Variants in TSR1 observed in about 807,000 individuals in gnomAD.
The protein encoded by TSR1 is pre-rRNA-processing protein TSR1 homolog.
Under a neutral mutation model 90.9 loss-of-function variants are expected in TSR1, and 81 were observed. The observed-to-expected ratio is 0.89, with a 90% CI of 0.74 to 1.07. The LOEUF (loss-of-function observed/expected upper bound fraction) is 1.07. Ranked by LOEUF, TSR1 falls within the 50% of genes least tolerant of loss-of-function variation. The pLI is 0.00. For synonymous variants in TSR1, 362 were observed against 348.8 expected (o/e 1.04, Z -0.42); for missense variants, 989 against 987.3 (o/e 1.00, Z -0.02).
rs759898728 is a variant in TSR1, at chr17:2,332,152, T to C, written c.1496+17A>G. 3.7e-6 allele frequency: 6 copies of C among 1,604,676 alleles called. No individual in the cohort carries two copies. The highest frequency in any genetic ancestry group is 2.7e-5 in the African/African-American group (2 of 74,138). ...TATTGACTGAATTTAGATTTGTTGA[T>C]AGACTTGTTGACTAACCGAATTCGA... On this transcript the variant is annotated intron_variant, in intron 8 of 14. Transcript: ENST00000301364.
rs2064012999 is a variant in TSR1 at position 2,332,438 on chromosome 17, A to G, written c.1306-79T>C. 3.3e-6 allele frequency: 4 copies of G among 1,216,104 alleles called. No individual in the cohort carries two copies. The East Asian group carries it at 9.5e-5, about 29-fold the overall frequency. The allele number at this position is 1,216,104 out of a possible 1,614,324, so 75.3% of individuals were successfully genotyped here. A position where few individuals can be genotyped will look rare whatever the true frequency, so the allele number is the denominator to read the frequency against. ...CAAAGGCCAATAAGCTAAGAGTAAAATAATTGTACTAGATCCCTATTCCCA... is the reference window on the plus strand; with the variant it reads ...CAAAGGCCAATAAGCTAAGAGTAAAGTAATTGTACTAGATCCCTATTCCCA... On this transcript the variant is annotated intron_variant, in intron 7 of 14. Coordinates refer to ENST00000301364, the MANE Select transcript of TSR1 (RefSeq NM_018128.5).
At chr17:2,333,299 C>T in intron 6 of TSR1, 175 bp from the exon 7 acceptor site, 1 of 875,424 alleles carries the variant, frequency 1.1e-6, no homozygotes, top group Non-Finnish European at 1.9e-6. Flanking sequence ...GCAATACTTA[C>T]ACAGCTAAAT....
intron 12 of TSR1, 90 bp from the exon 13 acceptor site, chr17:2,324,919 C>G: frequency 6.9e-7 from 1 of 1,458,430 alleles, no homozygotes. Context: ...CATGCAAGAG[C>G]CTGGTTTGTC....
chr17:2,326,805 T>TTAAGGG (rs1314298810), intron 11 of TSR1, among the ~76,000 whole-genome samples: 1 of 152,156 alleles, frequency 6.6e-6, no homozygotes, highest in Non-Finnish European at 1.5e-5. Context: ...ACCTGGCTAA[T>TTAAGGG]TAAAAAGAAA....
intron 11 of TSR1, among the ~76,000 whole-genome samples, chr17:2,325,839 C>T (rs1482854029): frequency 6.6e-6 from 1 of 152,158 alleles, no homozygotes; most frequent in Non-Finnish European, 1.5e-5. Flanking sequence ...TCTCGAACTC[C>T]TCACCTTGTG....
intron 4 of TSR1, 79 bp downstream of exon 4, chr17:2,335,181 A>G: frequency 1.4e-6 from 2 of 1,440,006 alleles, no homozygotes; most frequent in Non-Finnish European, 9.5e-7. Context: ...AATATGATCC[A>G]TCAGTTGTAT....
chr17:2,336,272 G>A (rs1361224627), intron 1 of TSR1, 59 bp downstream of exon 1: 4 of 1,608,934 alleles, frequency 2.5e-6, no homozygotes, highest in Non-Finnish European at 2.6e-6. Flanking sequence ...GTCTGGGCAT[G>A]AGGAAAAAGA....
Position 2,327,637 on chromosome 17 carries a change from A to C in TSR1, c.1903+1706T>G, listed in dbSNP as rs146430893. Among the ~76,000 whole-genome samples, 1,213 of 152,330 alleles carry C rather than the reference A, an allele frequency of 8.0e-3. 15 individuals are homozygous for C. The highest frequency in any genetic ancestry group is 0.027 in the African/African-American group (1,123 of 41,562). ...TAAGTGCTCACCCGTAGAAGCTCAAATAAGTATCAGTACATCACATACACT... is the reference window on the plus strand; with the variant it reads ...TAAGTGCTCACCCGTAGAAGCTCAACTAAGTATCAGTACATCACATACACT... On this transcript the variant is annotated intron_variant, in intron 11 of 14. Coordinates refer to ENST00000301364, the MANE Select transcript of TSR1 (RefSeq NM_018128.5).
At chr17:2,335,869 G>T in intron 2 of TSR1, 139 bp from the exon 3 acceptor site, 1 of 1,262,592 alleles carries the variant, frequency 7.9e-7, no homozygotes, top group Non-Finnish European at 1.1e-6. Context: ...CCAGCGGGGT[G>T]GCAGGAATTC....
At chr17:2,329,523 A>C in intron 10 of TSR1, 48 bp from the exon 11 acceptor site, 1 of 1,605,402 alleles carries the variant, frequency 6.2e-7, no homozygotes, top group Non-Finnish European at 8.5e-7. Flanking sequence ...CTAGGAATAC[A>C]ATTGCCTAAA....
rs761098424 is a variant in TSR1, at chr17:2,324,169, C to T, written c.*27G>A. The T allele has an allele frequency of 6.3e-5, 96 of 1,512,034 alleles. No individual in the cohort carries two copies. The highest frequency in any genetic ancestry group is 7.9e-5 in the Non-Finnish European group (90 of 1,135,116). The allele number at this position is 1,512,034 out of a possible 1,614,324, so 93.7% of individuals were successfully genotyped here. ...CCATCCCTGGAGTACTGACTGGCAC[C>T]GGTAAGACAGAATCTCTTTGAATCC... On this transcript the variant is annotated 3_prime_UTR_variant, in exon 15 of 15. Coordinates refer to ENST00000301364, the MANE Select transcript of TSR1 (RefSeq NM_018128.5).
At chr17:2,330,417 T>C (rs1409946288) in intron 10 of TSR1, 98 bp downstream of exon 10, 2 of 1,071,244 alleles carry the variant, frequency 1.9e-6, no homozygotes, top group Non-Finnish European at 2.9e-6. Context: ...TGCATCCCAA[T>C]GAGCAAAATT....
At position 2,323,012 on chromosome 17, in the gene TSR1, G is replaced by A. The variant is rs571050022; in HGVS notation, c.*1184C>T. Reference sequence around the variant, plus strand: ...ACTCCTGACCTCAGCTGATCCACCCGCCTCGGGCTCCCAAAGTGTTGGGAT... The same window carrying A: ...ACTCCTGACCTCAGCTGATCCACCCACCTCGGGCTCCCAAAGTGTTGGGAT... On this transcript the variant is annotated 3_prime_UTR_variant, in exon 15 of 15. Coordinates refer to ENST00000301364, the MANE Select transcript of TSR1 (RefSeq NM_018128.5). The A allele has an allele frequency of 1.5e-4, 147 of 959,676 alleles. No homozygotes were observed. Among genetic ancestry groups the A allele is most frequent in the Non-Finnish European group, 2.2e-4 (141 of 634,554 alleles). The allele number at this position is 959,676 out of a possible 1,614,324, so 59.4% of individuals were successfully genotyped here.
chr17:2,334,513 T>C lies in TSR1; in HGVS notation c.940A>G (p.Arg314Gly), dbSNP rs76845192. 10 of 1,614,158 alleles carry C rather than the reference T, an allele frequency of 6.2e-6. No individual in the cohort carries two copies. The African/African-American group carries it at 1.3e-4, about 22-fold the overall frequency. Reference sequence around the variant, plus strand: ...GGGTCCTTTTGGGGTTTAATTCCTCTAGGATTTAAAGGGAAAGGGTCTCCG... The same window carrying C: ...GGGTCCTTTTGGGGTTTAATTCCTCCAGGATTTAAAGGGAAAGGGTCTCCG... ...APGDPFPLNP[R>G]GIKPQKDPDM... The change falls in exon 5 of 15, where the codon AGA becomes GGA. Residue 314 changes from arginine to glycine, a missense_variant. Physicochemically the swap from Arg to Gly is moderately radical, Grantham distance 125. Transcript: ENST00000301364.
In TSR1 at chr17:2,325,360, T is replaced by C. The variant is rs760585301; in HGVS notation, c.1964A>G (p.Tyr655Cys). The change falls in exon 12 of 15, where the codon TAT becomes TGT. Residue 655 changes from tyrosine (Y) to cysteine (C), a missense_variant. Physicochemically the swap from Tyr to Cys is radical, Grantham distance 194 (BLOSUM62 -2). Coordinates refer to ENST00000301364, the MANE Select transcript of TSR1 (RefSeq NM_018128.5). ...TADMALVATV[Y>C]APITFPPASV... ...TGCAGGAGGAAAAGTGATTGGCGCA[T>C]AGACTGTCGCCACCAGGGCCATGTC... is the stretch of plus-strand genomic sequence containing the variant. The C allele has an allele frequency of 2.0e-5, 33 of 1,613,672 alleles. No individual in the cohort carries two copies. The East Asian group carries it at 2.7e-4, about 13-fold the overall frequency.
intron 5 of TSR1, 145 bp from the exon 6 acceptor site, chr17:2,333,861 G>T: frequency 9.8e-7 from 1 of 1,019,770 alleles, no homozygotes; most frequent in Non-Finnish European, 1.4e-6. Context: ...CTTTTCCAAT[G>T]GCTGTTTTCT....
rs754668063 is a variant in TSR1 at position 2,324,217 on chromosome 17, C to T, written c.2394G>A (p.Val798=). The change falls in exon 15 of 15, where the codon GTG becomes GTA. Residue 798 remains valine (V), a synonymous_variant. Coordinates refer to ENST00000301364, the MANE Select transcript of TSR1 (RefSeq NM_018128.5). ...TCCATTACTCCATGCCCCCTTGAGG[C>T]ACTGTTGAAGAAATCTCACTTTTCA... ...PWLKSEISST[V]PQGGME 6.6e-7 allele frequency: 1 copy of T among 1,523,792 alleles called. No individual in the cohort carries two copies. Among genetic ancestry groups the T allele is most frequent in the Non-Finnish European group, 8.8e-7 (1 of 1,140,914 alleles). The allele number at this position is 1,523,792 out of a possible 1,614,324, so 94.4% of individuals were successfully genotyped here. A position where few individuals can be genotyped will look rare whatever the true frequency, so the allele number is the denominator to read the frequency against.
In TSR1 at chr17:2,323,760, G is replaced by A. The variant is rs1003225681; in HGVS notation, c.*436C>T. The A allele has an allele frequency of 7.4e-6, 12 of 1,614,052 alleles. No individual in the cohort carries two copies. Among genetic ancestry groups the A allele is most frequent in the African/African-American group, 6.7e-5 (5 of 74,916 alleles). ...TCAACATTTTCAAACTGTTTCCCCA[G>A]AAGTAAAGAACATTTGTATTGTGCT... On this transcript the variant is annotated 3_prime_UTR_variant, in exon 15 of 15. Coordinates refer to ENST00000301364, the MANE Select transcript of TSR1 (RefSeq NM_018128.5).
chr17:2,323,162 T>C lies in TSR1; in HGVS notation c.*1034A>G. On this transcript the variant is annotated 3_prime_UTR_variant, in exon 15 of 15. Coordinates refer to ENST00000301364, the MANE Select transcript of TSR1 (RefSeq NM_018128.5). Reference sequence around the variant, plus strand: ...CTCTGAAACCTAGTGTGAAGGTATATGCTGCTGAACCCTCAAATGCAGATG... The same window carrying C: ...CTCTGAAACCTAGTGTGAAGGTATACGCTGCTGAACCCTCAAATGCAGATG... 6.2e-7 allele frequency: 1 copy of C among 1,614,226 alleles called. No homozygotes were observed. The highest frequency in any genetic ancestry group is 8.5e-7 in the Non-Finnish European group (1 of 1,180,046).
Sources: gnomAD v4.1 joint callset for allele counts (sites outside exome capture counted in the v4.1 genomes callset) on GRCh38, gnomAD v4.1.1 for gene constraint, MANE v1.5 for transcripts, NCBI Gene and HGNC (gene_info 2026-07-23, HGNC 2026-07-21) for gene names.